NPSR1: variants seen among roughly 807,000 people sequenced by gnomAD.
The protein encoded by NPSR1 is neuropeptide S receptor.
A neutral mutation model predicts 46.9 loss-of-function variants in NPSR1; 48 were observed. The observed-to-expected ratio is 1.02, with a 90% CI of 0.81 to 1.30. The LOEUF (loss-of-function observed/expected upper bound fraction) is 1.30, where lower values mean the gene tolerates loss of function less well. NPSR1 is among the 50% of genes most tolerant of loss of function. NPSR1 has a pLI of 0.00. For missense variants in NPSR1, 450 were observed against 449.5 expected (o/e 1.00, Z -0.01); for synonymous variants, 176 against 168.1 (o/e 1.05, Z -0.36).
Position 34,725,823 on chromosome 7 carries a change from C to A in NPSR1, c.280+41139C>A, listed in dbSNP as rs183728575. ...TCACCTTGAACTGTAATAATCTCCA[C>A]GTGTCAAGGGTGGTGCCGGGTGGAG... On this transcript the variant is annotated intron_variant, in intron 2 of 8. Coordinates refer to ENST00000360581, the MANE Select transcript of NPSR1 (RefSeq NM_207172.2). 4.6e-5 allele frequency among the ~76,000 whole-genome samples: 7 copies of A among 152,274 alleles called. No homozygotes were observed. In the East Asian group the frequency reaches 1.4e-3, roughly 29 times the overall value.
chr7:34,827,413 G>C lies in NPSR1; in HGVS notation c.491G>C (p.Arg164Thr), dbSNP rs569538789. ...TTTCTTTGGGCAGAAAAGCAAGCCAGGGTCCTCATTGTGATCGCCTGGAGC... is the reference window on the plus strand; with the variant it reads ...TTTCTTTGGGCAGAAAAGCAAGCCACGGTCCTCATTGTGATCGCCTGGAGC... ...MKFLQGEKQA[R>T]VLIVIAWSLS... Residue 164 changes from arginine to threonine, a missense_variant, in exon 5 of 9, where the codon AGG becomes ACG. Physicochemically the swap from Arg to Thr is moderately conservative, Grantham distance 71. Coordinates refer to ENST00000360581, the MANE Select transcript of NPSR1 (RefSeq NM_207172.2). 50 of 1,614,060 alleles carry C rather than the reference G, an allele frequency of 3.1e-5. No homozygotes were observed. The highest frequency in any genetic ancestry group is 2.5e-4 in the South Asian group (23 of 91,076).
At chr7:34,860,252 C>T (rs10282714) in intron 8 of NPSR1, among the ~76,000 whole-genome samples, 4,211 of 151,716 alleles carry the variant, frequency 0.028, 316 homozygotes, top group African/African-American at 0.094. Flanking sequence ...TGATGTGATA[C>T]CTTATCAAAG....
intron 3 of NPSR1, among the ~76,000 whole-genome samples, chr7:34,789,587 GT>G (rs1213799760): frequency 2.0e-5 from 3 of 151,822 alleles, no homozygotes; most frequent in African/African-American, 7.3e-5. Flanking sequence ...GAGGTCAGGA[GT>G]TTGACACCAG....
chr7:34,866,855 A>C (rs779898676), intron 8 of NPSR1, among the ~76,000 whole-genome samples: 4 of 151,802 alleles, frequency 2.6e-5, no homozygotes, highest in African/African-American at 9.7e-5. Context: ...CCCATGCCAA[A>C]TTGAAAAATT....
intron 2 of NPSR1, among the ~76,000 whole-genome samples, chr7:34,736,393 C>T (rs1223386603): frequency 6.6e-6 from 1 of 152,154 alleles, no homozygotes; most frequent in African/African-American, 2.4e-5. Context: ...TTGAATTCCA[C>T]AGTCATTTTT....
At chr7:34,759,937 A>G (rs891622842) in intron 2 of NPSR1, among the ~76,000 whole-genome samples, 34 of 152,202 alleles carry the variant, frequency 2.2e-4, no homozygotes, top group Admixed American at 1.6e-3. Context: ...TAGTGGCCCA[A>G]TCCCTGAACT....
intron 3 of NPSR1, among the ~76,000 whole-genome samples, chr7:34,797,186 G>C (rs1056080141): frequency 6.6e-6 from 1 of 152,150 alleles, no homozygotes; most frequent in Admixed American, 6.6e-5. Context: ...CAGGGCTTGG[G>C]GAGAGGGAGG....
At chr7:34,799,158 G>A (rs1788346269) in intron 3 of NPSR1, among the ~76,000 whole-genome samples, 1 of 152,076 alleles carries the variant, frequency 6.6e-6, no homozygotes, top group Non-Finnish European at 1.5e-5. Context: ...TGCAGAGTAA[G>A]TATGTGAGGT....
intron 2 of NPSR1, among the ~76,000 whole-genome samples, chr7:34,689,165 T>A (rs975443344): frequency 1.3e-5 from 2 of 152,180 alleles, no homozygotes; most frequent in African/African-American, 4.8e-5. Flanking sequence ...CAGACCACTG[T>A]GCATTTCACA....
chr7:34,730,232 C>T (rs1456949261), intron 2 of NPSR1, among the ~76,000 whole-genome samples: 1 of 151,960 alleles, frequency 6.6e-6, no homozygotes, highest in Non-Finnish European at 1.5e-5. Flanking sequence ...ATATAAGAAC[C>T]TAGGATTTTT....
chr7:34,788,727 C>T lies in NPSR1; in HGVS notation c.384+10162C>T, dbSNP rs369906197. ...AATAAAATCATAGGTCTTCAAAATC[C>T]CACTTTTAATAAACAGATTATCTAG... On this transcript the variant is annotated intron_variant, in intron 3 of 8. Transcript: ENST00000360581. 4.6e-5 allele frequency among the ~76,000 whole-genome samples: 7 copies of T among 151,844 alleles called. No individual in the cohort carries two copies. The South Asian group carries it at 6.2e-4, about 14-fold the overall frequency.
At chr7:34,753,522 G>A (rs553293605) in intron 2 of NPSR1, 19 of 152,206 alleles carry the variant, frequency 1.2e-4, no homozygotes, top group East Asian at 7.7e-4. Flanking sequence ...TATGTGGATC[G>A]GATGTTTGTA....
At chr7:34,695,370 C>G (rs1180000531) in intron 2 of NPSR1, among the ~76,000 whole-genome samples, 1 of 151,772 alleles carries the variant, frequency 6.6e-6, no homozygotes, top group Admixed American at 6.6e-5. Flanking sequence ...GGAAAAAAAC[C>G]TGGGAAAACT....
chr7:34,822,888 A>G (rs1789621821), intron 4 of NPSR1, among the ~76,000 whole-genome samples: 2 of 152,222 alleles, frequency 1.3e-5, no homozygotes, highest in Non-Finnish European at 2.9e-5. Flanking sequence ...GAAGGAAAAT[A>G]TAGTTTTTTA....
chr7:34,782,325 C>T (rs1787264752), intron 3 of NPSR1, among the ~76,000 whole-genome samples: 1 of 152,178 alleles, frequency 6.6e-6, no homozygotes, highest in South Asian at 2.1e-4. Context: ...AGAGGCCCTA[C>T]AAGCCAGATC....
chr7:34,858,864 G>A (rs569804618), intron 8 of NPSR1, among the ~76,000 whole-genome samples: 16 of 151,252 alleles, frequency 1.1e-4, no homozygotes, highest in Non-Finnish European at 2.1e-4. Flanking sequence ...ATGAGATCTG[G>A]GGGGGGGACA....
At chr7:34,826,838 C>T (rs146625555) in intron 4 of NPSR1, among the ~76,000 whole-genome samples, 122 of 149,266 alleles carry the variant, frequency 8.2e-4, no homozygotes, top group African/African-American at 3.7e-4. Flanking sequence ...CTCTCCAGAA[C>T]GAAGTTCAGT....
intron 2 of NPSR1, among the ~76,000 whole-genome samples, chr7:34,759,767 C>T (rs1786068231): frequency 6.6e-6 from 1 of 152,168 alleles, no homozygotes; most frequent in Admixed American, 6.5e-5. Context: ...AGTCCTGGGG[C>T]ATTTGGAAAT....
chr7:34,727,527 T>G (rs999451571), intron 2 of NPSR1, among the ~76,000 whole-genome samples: 1 of 152,246 alleles, frequency 6.6e-6, no homozygotes, highest in Non-Finnish European at 1.5e-5. Context: ...ACCACTTTGC[T>G]ACCTGGATAA....
Sources: allele counts gnomAD v4.1 joint callset (sites outside exome capture counted in the v4.1 genomes callset), GRCh38; gene constraint gnomAD v4.1.1; transcripts MANE v1.5; gene names NCBI Gene and HGNC (gene_info 2026-07-23, HGNC 2026-07-21).